EPB41L5: variants seen among roughly 807,000 people sequenced by gnomAD.
The protein encoded by EPB41L5 is erythrocyte membrane protein band 4.1 like 5.
Under a neutral mutation model 106.6 loss-of-function variants are expected in EPB41L5, and 55 were observed. The ratio of observed to expected loss-of-function variants is 0.52; its 90% CI spans 0.42 to 0.65. EPB41L5 has a LOEUF of 0.65. EPB41L5 is among the 30% of genes least tolerant of loss of function. The pLI, the probability that EPB41L5 is intolerant of heterozygous loss-of-function variation, is 0.00. For synonymous variants in EPB41L5, 297 were observed against 306.7 expected, an observed-to-expected ratio of 0.97 and a Z score of 0.33; for missense variants, 871 against 882.1, an observed-to-expected ratio of 0.99 and a Z score of 0.16.
intron 16 of EPB41L5, among the ~76,000 whole-genome samples, chr2:120,122,723 T>G (rs1685279534): frequency 6.6e-6 from 1 of 152,176 alleles, no homozygotes; most frequent in Non-Finnish European, 1.5e-5. Flanking sequence ...AAAGTCATTG[T>G]TAGCTTGATG....
At chr2:120,099,759 A>T (rs958039877) in intron 14 of EPB41L5, among the ~76,000 whole-genome samples, 2 of 152,176 alleles carry the variant, frequency 1.3e-5, no homozygotes, top group Admixed American at 6.5e-5. Flanking sequence ...TTTATAAGTC[A>T]TTTGGAGAGG....
intron 11 of EPB41L5, 64 bp downstream of exon 11, chr2:120,087,304 C>A: frequency 1.0e-6 from 1 of 993,184 alleles, no homozygotes; most frequent in Non-Finnish European, 1.6e-6. Flanking sequence ...TAACTTATTT[C>A]TCTAAAAGAG....
At chr2:120,129,297 C>T (rs977525440) in intron 17 of EPB41L5, among the ~76,000 whole-genome samples, 1 of 150,734 alleles carries the variant, frequency 6.6e-6, no homozygotes, top group Non-Finnish European at 1.5e-5. Context: ...GATTGTGCCA[C>T]TGAGCTCCAG....
chr2:120,078,997 C>CT (rs1420925868), intron 10 of EPB41L5, among the ~76,000 whole-genome samples: 1 of 152,102 alleles, frequency 6.6e-6, no homozygotes, highest in Admixed American at 6.6e-5. Context: ...ACTGTTCCAG[C>CT]TTTTATCGTT....
intron 11 of EPB41L5, among the ~76,000 whole-genome samples, chr2:120,087,450 G>A (rs917978677): frequency 1.3e-5 from 2 of 152,136 alleles, no homozygotes; most frequent in African/African-American, 4.8e-5. Context: ...ATATAAAAGT[G>A]TCTTCTTGTT....
chr2:120,077,397 GAGGGC>G (rs1682322950), intron 9 of EPB41L5, 81 bp downstream of exon 9: 4 of 1,195,678 alleles, frequency 3.3e-6, no homozygotes. Context: ...CAGTATGAGG[GAGGGC>G]ATGGAGTTTG....
chr2:120,088,244 T>A (rs1683195312), intron 11 of EPB41L5, among the ~76,000 whole-genome samples: 1 of 152,210 alleles, frequency 6.6e-6, no homozygotes, highest in Non-Finnish European at 1.5e-5. Flanking sequence ...CACAATGGGA[T>A]ACTATGCAGC....
intron 16 of EPB41L5, among the ~76,000 whole-genome samples, chr2:120,110,783 C>T (rs992836584): frequency 1.2e-4 from 18 of 151,764 alleles, no homozygotes; most frequent in South Asian, 2.1e-4. Flanking sequence ...TACAGGAGTG[C>T]GCCACCATGC....
At position 120,093,241 on chromosome 2, in the gene EPB41L5, T is replaced by C. The variant is rs1683532005; in HGVS notation, c.1151-8T>C. 1.2e-6 allele frequency: 2 copies of C among 1,612,822 alleles called. No homozygotes were observed. The highest frequency in any genetic ancestry group is 1.3e-5 in the African/African-American group (1 of 74,918). On this transcript the variant is annotated splice_region_variant and splice_polypyrimidine_tract_variant and intron_variant, in intron 13 of 24. Transcript: ENST00000263713. Reference sequence around the variant, plus strand: ...ACTAATGAGGTGTTATCTTTTTTCTTCTGTTAGCATGTGCTACAAAACCTG... The same window carrying C: ...ACTAATGAGGTGTTATCTTTTTTCTCCTGTTAGCATGTGCTACAAAACCTG...
At chr2:120,075,622 A>G (rs1224850014) in intron 6 of EPB41L5, 79 bp from the exon 7 acceptor site, 1 of 1,434,028 alleles carries the variant, frequency 7.0e-7, no homozygotes, top group African/African-American at 1.4e-5. Flanking sequence ...GGTCAACATA[A>G]AACATGTATT....
chr2:120,118,541 T>G (rs917576732), intron 16 of EPB41L5, among the ~76,000 whole-genome samples: 2 of 152,108 alleles, frequency 1.3e-5, no homozygotes, highest in Non-Finnish European at 2.9e-5. Context: ...CAGTGTGTGT[T>G]GTTCCCCCTT....
At chr2:120,024,856 A>G (rs1468705324) in intron 2 of EPB41L5, among the ~76,000 whole-genome samples, 1 of 152,124 alleles carries the variant, frequency 6.6e-6, no homozygotes, top group East Asian at 1.9e-4. Flanking sequence ...TATGAGGCCG[A>G]CTTGATCATG....
At chr2:120,076,550 C>T (rs907558711) in intron 7 of EPB41L5, among the ~76,000 whole-genome samples, 1 of 143,928 alleles carries the variant, frequency 6.9e-6, no homozygotes, top group Non-Finnish European at 1.5e-5. Context: ...TCTTCCACCT[C>T]AGCCCTCCCA....
chr2:120,072,692 A>G (rs1284787592), intron 3 of EPB41L5, among the ~76,000 whole-genome samples: 1 of 152,196 alleles, frequency 6.6e-6, no homozygotes, highest in Non-Finnish European at 1.5e-5. Flanking sequence ...AGAAAACCAA[A>G]CACTGCATGT....
intron 2 of EPB41L5, among the ~76,000 whole-genome samples, chr2:120,029,441 C>G (rs543531723): frequency 7.1e-4 from 108 of 152,258 alleles, no homozygotes; most frequent in African/African-American, 2.6e-3. Context: ...AGTGATTCAC[C>G]TGCCTCAACC....
At chr2:120,074,465 T>G in intron 5 of EPB41L5, 1 of 265,536 alleles carries the variant, frequency 3.8e-6, no homozygotes, top group Non-Finnish European at 7.0e-6. Flanking sequence ...AGGATTCACA[T>G]GTTTCAATAC....
chr2:120,051,616 A>G (rs894640282), intron 3 of EPB41L5, among the ~76,000 whole-genome samples: 1 of 152,202 alleles, frequency 6.6e-6, no homozygotes, highest in Admixed American at 6.5e-5. Flanking sequence ...TGGCTAGGAA[A>G]GGGAATTCCC....
intron 3 of EPB41L5, among the ~76,000 whole-genome samples, chr2:120,053,916 C>T (rs1227815829): frequency 2.6e-5 from 4 of 152,068 alleles, no homozygotes; most frequent in Non-Finnish European, 5.9e-5. Context: ...CAAAAATTAG[C>T]CAGGTGCGGT....
chr2:120,143,193 C>T lies in EPB41L5; in HGVS notation c.1728+62C>T. On this transcript the variant is annotated intron_variant, in intron 19 of 24. Transcript: ENST00000263713. ...AATGAGCATGGGATGTAGAGAGTTG[C>T]CTTCCCCAACTCTAAATTCTAATCA... 3.6e-6 allele frequency: 5 copies of T among 1,404,004 alleles called. 1 individual carries two copies. The highest frequency in any genetic ancestry group is 2.9e-6 in the Non-Finnish European group (3 of 1,048,658). The allele number at this position is 1,404,004 out of a possible 1,614,324, so 87.0% of individuals were successfully genotyped here.
Sources: gnomAD v4.1 joint callset for allele counts (sites outside exome capture counted in the v4.1 genomes callset) on GRCh38, gnomAD v4.1.1 for gene constraint, MANE v1.5 for transcripts, NCBI Gene and HGNC (gene_info 2026-07-23, HGNC 2026-07-21) for gene names.